ELOVL2: variants seen among roughly 807,000 people sequenced by gnomAD.
The protein encoded by ELOVL2 is ELOVL fatty acid elongase 2, also known as very long chain fatty acid elongase 2.
In ELOVL2, 38 loss-of-function variants were observed where a neutral mutation model predicts 37.7. The ratio of observed to expected loss-of-function variants is 1.01; its 90% CI spans 0.78 to 1.32. The LOEUF (loss-of-function observed/expected upper bound fraction) is 1.32, where lower values mean the gene tolerates loss of function less well. ELOVL2 is among the 40% of genes most tolerant of loss of function. ELOVL2 has a pLI of 0.00. For missense variants in ELOVL2, 352 were observed against 363.6 expected, an observed-to-expected ratio of 0.97 and a Z score of 0.26; for synonymous variants, 115 against 122.3, an observed-to-expected ratio of 0.94 and a Z score of 0.40.
chr6:10,994,189 G>A (rs536244463), intron 5 of ELOVL2, among the ~76,000 whole-genome samples: 114 of 151,764 alleles, frequency 7.5e-4, no homozygotes, highest in African/African-American at 2.6e-3. Context: ...AAGAAGGGCC[G>A]GGTGCGGTGG....
chr6:11,038,706 T>A (rs1007011937), intron 1 of ELOVL2, among the ~76,000 whole-genome samples: 2 of 152,166 alleles, frequency 1.3e-5, no homozygotes. Flanking sequence ...CCTGGCCCTT[T>A]CCACAAATAT....
chr6:10,987,623 A>G (rs560622587), intron 7 of ELOVL2, among the ~76,000 whole-genome samples: 3 of 152,270 alleles, frequency 2.0e-5, no homozygotes, highest in African/African-American at 7.2e-5. Context: ...TATCATTTTT[A>G]AACTTCTGGT....
rs1781941001 is a variant in ELOVL2 at position 10,981,927 on chromosome 6, T to G, written c.*1854A>C. ...TTGTGTTTTGTCACAGAGGAGCCAT[T>G]AACAGTCATGCTTGAAGCTAGCCCT... On this transcript the variant is annotated 3_prime_UTR_variant, in exon 8 of 8. Transcript: ENST00000354666. 6.6e-6 allele frequency: 1 copy of G among 152,240 alleles called. No individual in the cohort carries two copies. The allele number at this position is 152,240 out of a possible 1,614,324, so 9.4% of individuals were successfully genotyped here. A position where few individuals can be genotyped will look rare whatever the true frequency, so the allele number is the denominator to read the frequency against.
chr6:10,999,380 C>CTTTT (rs34899380), intron 4 of ELOVL2, among the ~76,000 whole-genome samples: 1 of 142,482 alleles, frequency 7.0e-6, no homozygotes, highest in East Asian at 2.0e-4. Context: ...AAAGGAAATG[C>CTTTT]TTTTTTTTTT....
intron 1 of ELOVL2, among the ~76,000 whole-genome samples, chr6:11,027,514 T>C (rs1782856762): frequency 1.3e-5 from 2 of 152,330 alleles, no homozygotes; most frequent in South Asian, 4.1e-4. Flanking sequence ...TTTAAAAATG[T>C]TTCTTGTTTT....
chr6:11,011,614 G>A (rs562964127), intron 1 of ELOVL2, among the ~76,000 whole-genome samples: 1 of 152,264 alleles, frequency 6.6e-6, no homozygotes, highest in East Asian at 1.9e-4. Flanking sequence ...TTTCAAGTAA[G>A]GAGCATTACA....
rs143620227 is a variant in ELOVL2 at position 10,987,549 on chromosome 6, T to G, written c.765+2154A>C. The stretch of plus-strand genomic sequence containing the variant: ...GTCCCAAAGATTCTGGTATGTTGTA[T>G]CTTTGTTCTTATTGGTTTCAAAGAA... On this transcript the variant is annotated intron_variant, in intron 7 of 7. Transcript: ENST00000354666. Among the ~76,000 whole-genome samples, 456 of 152,352 alleles carry G rather than the reference T, an allele frequency of 3.0e-3. 3 individuals are homozygous for G. Among genetic ancestry groups the G allele is most frequent in the South Asian group, 0.021 (101 of 4,828 alleles).
rs1258789955 is a variant in ELOVL2, at chr6:10,983,469, T to C, written c.*312A>G. Reference sequence around the variant, plus strand: ...TCTCTGTGAGAAACAATGCTCCACGTTTCCTGGCTGTGTATGCGTATAAGG... The same window carrying C: ...TCTCTGTGAGAAACAATGCTCCACGCTTCCTGGCTGTGTATGCGTATAAGG... On this transcript the variant is annotated 3_prime_UTR_variant, in exon 8 of 8. Transcript: ENST00000354666. The C allele has an allele frequency of 5.1e-6, 1 of 196,762 alleles. No homozygotes were observed. Among genetic ancestry groups the C allele is most frequent in the African/African-American group, 2.3e-5 (1 of 43,058 alleles). The allele number at this position is 196,762 out of a possible 1,614,324, so 12.2% of individuals were successfully genotyped here.
chr6:10,998,927 T>C (rs557698871), intron 4 of ELOVL2, among the ~76,000 whole-genome samples: 15 of 152,360 alleles, frequency 9.8e-5, no homozygotes, highest in Middle Eastern at 6.8e-3. Flanking sequence ...TAATGAGTTT[T>C]AGTTTAACTT....
chr6:11,008,332 A>C (rs1373231542), intron 2 of ELOVL2, among the ~76,000 whole-genome samples: 1 of 152,244 alleles, frequency 6.6e-6, no homozygotes, highest in Non-Finnish European at 1.5e-5. Context: ...TCCCACATCC[A>C]CATAATTCCA....
chr6:11,032,570 G>A (rs1288099269), intron 1 of ELOVL2, among the ~76,000 whole-genome samples: 4 of 152,124 alleles, frequency 2.6e-5, no homozygotes, highest in Admixed American at 6.6e-5. Flanking sequence ...ATCTGCATCC[G>A]TGGATTCAGC....
intron 1 of ELOVL2, 121 bp from the exon 2 acceptor site, chr6:11,010,930 C>A (rs1782564442): frequency 1.4e-6 from 1 of 692,614 alleles, no homozygotes; most frequent in African/African-American, 1.8e-5. Flanking sequence ...GCTTCAAGGA[C>A]TTTTGACTGC....
chr6:10,984,487 T>C (rs1486827559), intron 7 of ELOVL2, among the ~76,000 whole-genome samples: 1 of 148,736 alleles, frequency 6.7e-6, no homozygotes, highest in East Asian at 2.0e-4. Context: ...ATTAGGTATA[T>C]CTCCTAAAGC....
At chr6:11,011,116 GCA>G (rs1187692183) in intron 1 of ELOVL2, among the ~76,000 whole-genome samples, 3 of 152,164 alleles carry the variant, frequency 2.0e-5, no homozygotes, top group African/African-American at 7.2e-5. Flanking sequence ...TGTAATCGCA[GCA>G]CTTTGGGAGG....
chr6:11,016,336 G>A (rs1581874519), intron 1 of ELOVL2, among the ~76,000 whole-genome samples: 1 of 152,146 alleles, frequency 6.6e-6, no homozygotes, highest in East Asian at 1.9e-4. Flanking sequence ...GATGAGAACA[G>A]CTATTTTCTA....
At chr6:11,006,056 A>C (rs976399711) in intron 2 of ELOVL2, among the ~76,000 whole-genome samples, 1 of 152,194 alleles carries the variant, frequency 6.6e-6, no homozygotes, top group East Asian at 1.9e-4. Flanking sequence ...CAGTCAGAGG[A>C]AAGAAGGCAT....
At position 11,044,117 on chromosome 6, in the gene ELOVL2, G is replaced by T. The variant is rs534049655; in HGVS notation, c.3+111C>A. Reference sequence around the variant, plus strand: ...TCCGAGGGTAGCGGGTTCCAGCGGCGAACCCGCAGCGCCCGCGCCGGCGCC... The same window carrying T: ...TCCGAGGGTAGCGGGTTCCAGCGGCTAACCCGCAGCGCCCGCGCCGGCGCC... On this transcript the variant is annotated intron_variant, in intron 1 of 7. Transcript: ENST00000354666. The surrounding 1 kb of genome is among the most constrained non-coding windows in gnomAD (Gnocchi z 5.6). 6.9e-6 allele frequency: 9 copies of T among 1,300,376 alleles called. No individual in the cohort carries two copies. Among genetic ancestry groups the T allele is most frequent in the South Asian group, 3.7e-5 (2 of 54,430 alleles). The allele number at this position is 1,300,376 out of a possible 1,614,324, so 80.6% of individuals were successfully genotyped here.
At chr6:10,990,949 G>C (rs1782148541) in intron 5 of ELOVL2, among the ~76,000 whole-genome samples, 2 of 152,176 alleles carry the variant, frequency 1.3e-5, no homozygotes, top group African/African-American at 4.8e-5. Flanking sequence ...TAGGGACCGG[G>C]AGGTGCTGGA....
intron 1 of ELOVL2, among the ~76,000 whole-genome samples, chr6:11,029,223 CA>C (rs376639413): frequency 1.1e-3 from 85 of 75,774 alleles, no homozygotes; most frequent in African/African-American, 1.2e-3. Flanking sequence ...AGGGAGATCT[CA>C]AAAAAAAAAA....
Sources: allele counts gnomAD v4.1 joint callset (sites outside exome capture counted in the v4.1 genomes callset), GRCh38; gene constraint gnomAD v4.1.1; non-coding constraint Gnocchi (gnomAD v3.1); transcripts MANE v1.5; gene names NCBI Gene and HGNC (gene_info 2026-07-23, HGNC 2026-07-21).